Variants in ZNF385D observed in about 807,000 individuals in gnomAD.
ZNF385D encodes zinc finger protein 659.
In ZNF385D, 15 loss-of-function variants were observed where a neutral mutation model predicts 35.8. That is an observed-to-expected ratio of 0.42 (90% confidence interval 0.28 to 0.64). The LOEUF (loss-of-function observed/expected upper bound fraction) is 0.64, where lower values mean the gene tolerates loss of function less well. Among genes scored for constraint, ZNF385D ranks in the 30% least tolerant of loss-of-function variants. The pLI, the probability that ZNF385D is intolerant of heterozygous loss-of-function variation, is 0.23. For missense variants in ZNF385D, 474 were observed against 494.6 expected (o/e 0.96, Z 0.39); for synonymous variants, 212 against 186.8 (o/e 1.13, Z -1.10).
chr3:22,059,619 T>A (rs1047327542), intron 3 of ZNF385D, among the ~76,000 whole-genome samples: 2 of 152,202 alleles, frequency 1.3e-5, no homozygotes, highest in Non-Finnish European at 2.9e-5. Flanking sequence ...AGACCCTTCA[T>A]CAGCTTCTTG....
At chr3:21,722,091 C>G (rs1166697912) in intron 1 of ZNF385D, among the ~76,000 whole-genome samples, 1 of 117,564 alleles carries the variant, frequency 8.5e-6, no homozygotes, top group Admixed American at 9.3e-5. Context: ...CAGAGTGAGA[C>G]TCTGTCTCAA....
chr3:22,368,832 T>C (rs1199826414), intron 2 of ZNF385D, among the ~76,000 whole-genome samples: 1 of 152,142 alleles, frequency 6.6e-6, no homozygotes, highest in East Asian at 1.9e-4. Context: ...AAACATTCAA[T>C]CCATAGCAGG....
intron 3 of ZNF385D, among the ~76,000 whole-genome samples, chr3:21,538,114 T>A (rs1046891682): frequency 1.3e-4 from 19 of 151,916 alleles, no homozygotes; most frequent in Non-Finnish European, 1.2e-4. Flanking sequence ...AGGGATGGAG[T>A]TGCCATCATA....
rs181503513 is a variant in ZNF385D, at chr3:21,988,954, T to C, written c.325+179863A>G. 6.2e-3 allele frequency among the ~76,000 whole-genome samples: 942 copies of C among 152,248 alleles called. 10 individuals carry two copies. Among genetic ancestry groups the C allele is most frequent in the African/African-American group, 0.022 (902 of 41,554 alleles). On this transcript the variant is annotated intron_variant, in intron 3 of 5. Coordinates refer to the ZNF385D transcript ENST00000494108. The stretch of plus-strand genomic sequence containing the variant: ...TTTCCAGGTGCGTCCATCACCCCTT[T>C]CTTTGACTTGGACCCCTTGCGCTTC...
At chr3:21,797,389 G>A (rs913665006) in intron 3 of ZNF385D, among the ~76,000 whole-genome samples, 2 of 152,088 alleles carry the variant, frequency 1.3e-5, no homozygotes, top group African/African-American at 4.8e-5. Context: ...CATTGCTAGT[G>A]GAAACAAAAT....
chr3:22,132,273 T>G (rs1703846279), intron 3 of ZNF385D, among the ~76,000 whole-genome samples: 1 of 152,134 alleles, frequency 6.6e-6, no homozygotes, highest in Non-Finnish European at 1.5e-5. Flanking sequence ...TTCTAACATA[T>G]GAGAACACAT....
intron 2 of ZNF385D, among the ~76,000 whole-genome samples, chr3:22,200,206 C>T (rs1696689661): frequency 6.6e-6 from 1 of 152,028 alleles, no homozygotes; most frequent in Non-Finnish European, 1.5e-5. Context: ...TTTCATTAAA[C>T]TTTCATCCTG....
At chr3:22,347,934 A>G (rs1387343657) in intron 2 of ZNF385D, among the ~76,000 whole-genome samples, 3 of 152,194 alleles carry the variant, frequency 2.0e-5, no homozygotes, top group South Asian at 2.1e-4. Flanking sequence ...GTTGCCTTCA[A>G]TATGATTGCT....
intron 3 of ZNF385D, among the ~76,000 whole-genome samples, chr3:21,792,357 C>T (rs1035025286): frequency 9.9e-5 from 15 of 152,112 alleles, no homozygotes; most frequent in Admixed American, 5.9e-4. Flanking sequence ...TTTCCCCTAC[C>T]CCACTACAGC....
In ZNF385D at chr3:21,745,195, C is replaced by T. The variant is rs190990275; in HGVS notation, c.22+5700G>A. On this transcript the variant is annotated intron_variant, in intron 1 of 7. Transcript: ENST00000281523. The stretch of plus-strand genomic sequence containing the variant: ...GTGAGCATCAATCCTGATACTGCTG[C>T]GAATTTCCTTTCTGACCTTGGCCAG... Among the ~76,000 whole-genome samples the T allele has an allele frequency of 3.7e-3, 562 of 152,270 alleles. 5 individuals are homozygous for T. The highest frequency in any genetic ancestry group is 4.4e-3 in the Non-Finnish European group (299 of 68,012).
At chr3:21,664,735 C>T in intron 2 of ZNF385D, 151 bp downstream of exon 2, 4 of 1,075,616 alleles carry the variant, frequency 3.7e-6, no homozygotes, top group Non-Finnish European at 5.3e-6. Context: ...TTTGCCTAAC[C>T]AAGCAAACAA....
At chr3:21,450,517 A>G (rs1702395288) in intron 4 of ZNF385D, among the ~76,000 whole-genome samples, 2 of 152,138 alleles carry the variant, frequency 1.3e-5, no homozygotes, top group Admixed American at 1.3e-4. Context: ...GAAAAAGAAA[A>G]GTGATGAAGG....
chr3:21,451,692 C>A (rs1702470172), intron 4 of ZNF385D, among the ~76,000 whole-genome samples: 2 of 152,124 alleles, frequency 1.3e-5, no homozygotes, highest in East Asian at 1.9e-4. Context: ...CAGTAGCCTC[C>A]TACATTTGTT....
At chr3:22,236,732 G>A (rs935721068) in intron 2 of ZNF385D, among the ~76,000 whole-genome samples, 9 of 151,946 alleles carry the variant, frequency 5.9e-5, no homozygotes, top group African/African-American at 1.2e-4. Context: ...TCTAGCCCCC[G>A]GCAACTAGTA....
chr3:22,011,999 A>T (rs746114498), intron 3 of ZNF385D, among the ~76,000 whole-genome samples: 2 of 152,088 alleles, frequency 1.3e-5, no homozygotes, highest in African/African-American at 2.4e-5. Flanking sequence ...GTGTTTCTAG[A>T]TCCACATAAC....
chr3:22,273,217 C>A (rs1167578847), intron 2 of ZNF385D, among the ~76,000 whole-genome samples: 1 of 151,964 alleles, frequency 6.6e-6, no homozygotes, highest in Non-Finnish European at 1.5e-5. Context: ...TTCCTAAAAG[C>A]AAATTTGTGT....
chr3:22,190,603 T>C (rs753964046), intron 2 of ZNF385D, among the ~76,000 whole-genome samples: 3 of 152,200 alleles, frequency 2.0e-5, no homozygotes, highest in Non-Finnish European at 4.4e-5. Context: ...CCTAGTGATA[T>C]GGGACAAGCC....
chr3:21,512,458 T>C (rs1707286496), intron 3 of ZNF385D, among the ~76,000 whole-genome samples: 1 of 152,216 alleles, frequency 6.6e-6, no homozygotes, highest in Admixed American at 6.5e-5. Context: ...CTGTGATAAC[T>C]AGGGTGTTGC....
At chr3:21,901,626 T>G (rs1407262752) in intron 3 of ZNF385D, among the ~76,000 whole-genome samples, 1 of 152,140 alleles carries the variant, frequency 6.6e-6, no homozygotes, top group Non-Finnish European at 1.5e-5. Flanking sequence ...ATTCCACAGA[T>G]GAGATTAAAG....
Sources: gnomAD v4.1 joint callset for allele counts (sites outside exome capture counted in the v4.1 genomes callset) on GRCh38, gnomAD v4.1.1 for gene constraint, MANE v1.5 for transcripts, NCBI Gene and HGNC (gene_info 2026-07-23, HGNC 2026-07-21) for gene names.